SLC35F2: variants seen among roughly 807,000 people sequenced by gnomAD.
SLC35F2 encodes the protein solute carrier family 35 member F2.
A neutral mutation model predicts 38.1 loss-of-function variants in SLC35F2; 25 were observed. That is an observed-to-expected ratio of 0.66 (90% CI 0.48 to 0.92). The LOEUF is 0.92. Ranked by LOEUF, SLC35F2 falls within the 40% of genes least tolerant of loss-of-function variation. The pLI is 0.00. For missense variants in SLC35F2, 409 were observed against 452.9 expected, an observed-to-expected ratio of 0.90 and a Z score of 0.88; for synonymous variants, 173 against 181.7, an observed-to-expected ratio of 0.95 and a Z score of 0.38.
intron 7 of SLC35F2, among the ~76,000 whole-genome samples, chr11:107,795,684 A>AG (rs1859206061): frequency 6.6e-6 from 1 of 152,246 alleles, no homozygotes; most frequent in Admixed American, 6.5e-5. Flanking sequence ...CACCAAAAGA[A>AG]GACATAAATG....
intron 3 of SLC35F2, chr11:107,810,228 A>G (rs1859461134): frequency 1.0e-6 from 1 of 985,372 alleles, no homozygotes; most frequent in East Asian, 1.1e-4. Flanking sequence ...TAAGTGCATG[A>G]CTTTTGGCAA....
rs1319879168 is a variant in SLC35F2 at position 107,803,013 on chromosome 11, CAGAA to C, written c.923_926del (p.Phe308CysfsTer52). 2 of 1,610,200 alleles carry C rather than the reference CAGAA, an allele frequency of 1.2e-6. No homozygotes were observed. The highest frequency in any genetic ancestry group is 1.3e-5 in the African/African-American group (1 of 74,622). ...TCTATTTGTTTACCTTATAGCCAAA[CAGAA>C]AGAGTCCAACAAAAAGGCTGTAGAG... On this transcript the variant is annotated frameshift_variant, in exon 7 of 8. Coordinates refer to ENST00000525815, the MANE Select transcript of SLC35F2 (RefSeq NM_017515.5). LOFTEE classifies it high-confidence loss of function.
At chr11:107,858,511 T>C in intron 1 of SLC35F2, 147 bp downstream of exon 1, 1 of 613,282 alleles carries the variant, frequency 1.6e-6, no homozygotes, top group Non-Finnish European at 2.4e-6. Context: ...CTGGTGTGCG[T>C]GTTGAGCCCC....
intron 7 of SLC35F2, among the ~76,000 whole-genome samples, chr11:107,794,025 CTT>C (rs1279801940): frequency 1.3e-5 from 2 of 151,226 alleles, no homozygotes; most frequent in African/African-American, 2.4e-5. Context: ...TATATTTCCT[CTT>C]GAGTTGAAAA....
At chr11:107,843,869 ATATATATATATAT>A (rs1352306315) in intron 1 of SLC35F2, among the ~76,000 whole-genome samples, 407 of 37,572 alleles carry the variant, frequency 0.011, 16 homozygotes, top group African/African-American at 0.049. Flanking sequence ...AAAAAAAAAA[ATATATATATATAT>A]ATATATATAT....
At chr11:107,799,867 CTTTTT>C (rs771657190) in intron 7 of SLC35F2, among the ~76,000 whole-genome samples, 105 of 142,876 alleles carry the variant, frequency 7.3e-4, no homozygotes, top group Admixed American at 2.5e-3. Context: ...CACACTTTGG[CTTTTT>C]TTTTGTTTTT....
chr11:107,843,861 AAAAAAAAATATATATATATATATATAT>A (rs1416347155), intron 1 of SLC35F2, among the ~76,000 whole-genome samples: 730 of 38,274 alleles, frequency 0.019, 32 homozygotes, highest in African/African-American at 0.058. Context: ...AAAAAAAAAA[AAAAAAAAATATATATATATATATATAT>A]ATATATATAT....
chr11:107,853,006 T>C (rs918649080), intron 1 of SLC35F2, among the ~76,000 whole-genome samples: 1 of 151,918 alleles, frequency 6.6e-6, no homozygotes, highest in African/African-American at 2.4e-5. Context: ...TAGGGCTCCA[T>C]CTCAAAAAAA....
intron 5 of SLC35F2, chr11:107,804,993 T>C (rs1859370592): frequency 1.0e-6 from 1 of 961,316 alleles, no homozygotes; most frequent in Non-Finnish European, 1.2e-6. Context: ...GAAATAATAG[T>C]CAAGTATAGG....
At chr11:107,841,413 A>C (rs1056604909) in intron 1 of SLC35F2, among the ~76,000 whole-genome samples, 2 of 151,988 alleles carry the variant, frequency 1.3e-5, no homozygotes, top group African/African-American at 2.4e-5. Context: ...AAATACAAAA[A>C]TTAGCCAAGT....
rs1424583740 is a variant in SLC35F2 at position 107,805,349 on chromosome 11, A to G, written c.731+10T>C. 1.3e-6 allele frequency: 2 copies of G among 1,585,438 alleles called. No homozygotes were observed. Among genetic ancestry groups the G allele is most frequent in the Non-Finnish European group, 1.7e-6 (2 of 1,171,936 alleles). ...TATTTTGTCTTTAGAAAAAAATTGT[A>G]GAATCTTACAGCTGTATACCACTGA... On this transcript the variant is annotated intron_variant, in intron 5 of 7. Transcript: ENST00000525815.
chr11:107,792,620 A>G lies in SLC35F2; in HGVS notation c.1120T>C (p.Leu374=), dbSNP rs374521699. ...ENLQETHSAV[L] ...GGGTGCGCCATCTTCTCCAGCTACA[A>G]GACAGCAGAGTGGGTCTCCTGGAGG... The change falls in exon 8 of 8, where the codon TTG becomes CTG. Residue 374 remains leucine, a synonymous_variant. Transcript: ENST00000525815. 5.5e-5 allele frequency: 89 copies of G among 1,609,002 alleles called. No individual in the cohort carries two copies. Among genetic ancestry groups the G allele is most frequent in the Non-Finnish European group, 7.4e-5 (87 of 1,178,140 alleles).
At chr11:107,804,379 CA>C (rs1174105216) in intron 6 of SLC35F2, among the ~76,000 whole-genome samples, 1 of 152,136 alleles carries the variant, frequency 6.6e-6, no homozygotes, top group Non-Finnish European at 1.5e-5. Context: ...TAATGCTTCA[CA>C]AATTATATCA....
At chr11:107,814,684 TGGG>T (rs1859538533) in intron 2 of SLC35F2, among the ~76,000 whole-genome samples, 1 of 152,094 alleles carries the variant, frequency 6.6e-6, no homozygotes, top group Non-Finnish European at 1.5e-5. Flanking sequence ...TGTATCTGGC[TGGG>T]CCCAGTGGCT....
Position 107,811,705 on chromosome 11 carries a change from C to G in SLC35F2, c.376G>C (p.Val126Leu), listed in dbSNP as rs758343389. 1.2e-6 allele frequency: 2 copies of G among 1,613,850 alleles called. No homozygotes were observed. Among genetic ancestry groups the G allele is most frequent in the African/African-American group, 1.3e-5 (1 of 74,912 alleles). The change falls in exon 3 of 8, where the codon GTC (valine) becomes CTC (leucine). Residue 126 changes from valine (V) to leucine (L), a missense_variant. Transcript: ENST00000525815. ...AGAGTTGTGTACTGGTAGGCTCTGA[C>G]GATCACATAATTAGCTTCCACATCT... Reference protein sequence around the residue: ...LADVEANYVIVRAYQYTTLTS... With the variant: ...LADVEANYVILRAYQYTTLTS...
chr11:107,842,984 GTGTT>G (rs1211675122), intron 1 of SLC35F2, among the ~76,000 whole-genome samples: 1 of 152,106 alleles, frequency 6.6e-6, no homozygotes, highest in Non-Finnish European at 1.5e-5. Flanking sequence ...GTCAAAGTGA[GTGTT>G]TGTATACAGC....
rs143030564 is a variant in SLC35F2, at chr11:107,835,489, C to T, written c.111-19524G>A. On this transcript the variant is annotated intron_variant, in intron 1 of 7. Transcript: ENST00000525815. ...CAGGTTTCTGTCGCCCAAACTGGAG[C>T]GCAGTGGCATAATCAGGGTTCATTG... Among the ~76,000 whole-genome samples, 371 of 151,614 alleles carry T rather than the reference C, an allele frequency of 2.4e-3. 3 individuals are homozygous for T. The highest frequency in any genetic ancestry group is 7.6e-3 in the African/African-American group (315 of 41,262).
intron 1 of SLC35F2, chr11:107,816,391 C>A: frequency 1.9e-6 from 1 of 529,416 alleles, no homozygotes; most frequent in Non-Finnish European, 2.4e-6. Flanking sequence ...AAGCAATCCT[C>A]CCACTTCAGC....
chr11:107,805,376 A>T lies in SLC35F2; in HGVS notation c.714T>A (p.Ile238=). The T allele has an allele frequency of 6.2e-7, 1 of 1,613,770 alleles. No individual in the cohort carries two copies. Among genetic ancestry groups the T allele is most frequent in the Non-Finnish European group, 8.5e-7 (1 of 1,179,904 alleles). Residue 238 remains isoleucine, a synonymous_variant, in exon 5 of 8, where the codon ATT becomes ATA. Transcript: ENST00000525815. ...FLGMVGLFGT[I]ISGIQLLIVE... ...AATCTTACAGCTGTATACCACTGAT[A>T]ATTGTTCCAAACAGGCCCACCATTC...
Sources: allele counts gnomAD v4.1 joint callset (sites outside exome capture counted in the v4.1 genomes callset), GRCh38; gene constraint gnomAD v4.1.1; transcripts MANE v1.5; gene names NCBI Gene and HGNC (gene_info 2026-07-23, HGNC 2026-07-21).